DACH2: variants seen among roughly 807,000 people sequenced by gnomAD.
DACH2 encodes dachshund family transcription factor 2.
Under a neutral mutation model 35.8 loss-of-function variants are expected in DACH2, and 17 were observed. That is an observed-to-expected ratio of 0.48 (90% CI 0.33 to 0.71). The LOEUF (loss-of-function observed/expected upper bound fraction) is 0.71. Ranked by LOEUF, DACH2 falls within the 30% of genes least tolerant of loss-of-function variation. The pLI, the probability that DACH2 is intolerant of heterozygous loss-of-function variation, is 0.02. For synonymous variants in DACH2, 195 were observed against 177.3 expected, an observed-to-expected ratio of 1.10 and a Z score of -0.79; for missense variants, 469 against 472.7, an observed-to-expected ratio of 0.99 and a Z score of 0.07.
At chrX:86,412,024 T>A (rs73631933) in intron 2 of DACH2, among the ~76,000 whole-genome samples, 1,272 of 111,693 alleles carry the variant, frequency 0.011, 18 homozygotes, top group African/African-American at 0.039. Context: ...TGCATACTCT[T>A]CCTTACCTCC....
chrX:86,264,437 C>G (rs1569321181), intron 1 of DACH2, among the ~76,000 whole-genome samples: 1 of 111,907 alleles, frequency 8.9e-6, no homozygotes, highest in Non-Finnish European at 1.9e-5. Context: ...GCTAAGCCAG[C>G]TCAATTACCA....
Position 86,714,641 on chromosome X carries a change from A to G in DACH2, c.1025A>G (p.His342Arg), listed in dbSNP as rs1050414463. 3.3e-6 allele frequency: 4 copies of G among 1,208,631 alleles called. No homozygotes were observed. In the Admixed American group the frequency reaches 6.5e-5, roughly 20 times the overall value. Residue 342 changes from histidine (H) to arginine (R), a missense_variant, in exon 6 of 12, where the codon CAT (histidine) becomes CGT (arginine). Transcript: ENST00000373125. ...SVAMAMNQMN[H>R]LNTIANMAAA... ...GCCATGGCAATGAATCAGATGAACC[A>G]TCTCAATACTATTGCCAACATGGCT...
intron 3 of DACH2, among the ~76,000 whole-genome samples, chrX:86,545,284 A>G (rs1456649950): frequency 8.9e-6 from 1 of 111,960 alleles, no homozygotes. Flanking sequence ...CATTACCTTA[A>G]GCAAACTAAC....
At chrX:86,782,115 C>T (rs891527260) in intron 7 of DACH2, among the ~76,000 whole-genome samples, 1 of 111,373 alleles carries the variant, frequency 9.0e-6, no homozygotes, top group Admixed American at 9.6e-5. Context: ...AAATTCAATG[C>T]CTAGTAATTA....
At chrX:86,587,951 T>C (rs2039595836) in intron 3 of DACH2, among the ~76,000 whole-genome samples, 1 of 111,868 alleles carries the variant, frequency 8.9e-6, no homozygotes, top group African/African-American at 3.2e-5. Context: ...CCAATGGTGA[T>C]ATGCAGAATG....
chrX:86,314,566 A>T, intron 1 of DACH2, among the ~76,000 whole-genome samples: 1 of 111,439 alleles, frequency 9.0e-6, no homozygotes, highest in East Asian at 2.8e-4. Context: ...CTTGTGGAAA[A>T]CCTCTAAGAT....
chrX:86,827,047 T>C (rs2042568843), intron 11 of DACH2, among the ~76,000 whole-genome samples: 1 of 112,309 alleles, frequency 8.9e-6, no homozygotes, highest in African/African-American at 3.2e-5. Context: ...GTCCCATTGT[T>C]TATAGAGGTA....
At chrX:86,477,803 C>A (rs764842643) in intron 2 of DACH2, among the ~76,000 whole-genome samples, 37 of 110,741 alleles carry the variant, frequency 3.3e-4, no homozygotes, top group Non-Finnish European at 5.9e-4. Flanking sequence ...TGATTAATTT[C>A]TTTCTCTTTA....
chrX:86,450,811 C>G (rs1469646704), intron 2 of DACH2, among the ~76,000 whole-genome samples: 1 of 110,244 alleles, frequency 9.1e-6, no homozygotes, highest in Non-Finnish European at 1.9e-5. Flanking sequence ...TTGCATTTCT[C>G]TATTGATCAG....
At chrX:86,717,292 A>G (rs1412183472) in intron 6 of DACH2, among the ~76,000 whole-genome samples, 4 of 110,680 alleles carry the variant, frequency 3.6e-5, no homozygotes, top group Non-Finnish European at 7.6e-5. Context: ...CTGTGTACAC[A>G]TTATTTAGTT....
intron 1 of DACH2, among the ~76,000 whole-genome samples, chrX:86,222,488 G>A (rs1025477741): frequency 1.8e-5 from 2 of 112,026 alleles, no homozygotes; most frequent in Non-Finnish European, 1.9e-5. Context: ...GTAGTAGCAA[G>A]TAGATTCCTT....
intron 1 of DACH2, among the ~76,000 whole-genome samples, chrX:86,328,418 G>A (rs1422640031): frequency 9.0e-6 from 1 of 111,440 alleles, no homozygotes; most frequent in African/African-American, 3.3e-5. Flanking sequence ...GTAAAATAAG[G>A]AAAAGTACTC....
At chrX:86,294,996 A>G (rs1453875679) in intron 1 of DACH2, among the ~76,000 whole-genome samples, 1 of 112,528 alleles carries the variant, frequency 8.9e-6, no homozygotes, top group Admixed American at 9.3e-5. Flanking sequence ...AAGCCTGGGC[A>G]ATGGCGGGCG....
intron 2 of DACH2, among the ~76,000 whole-genome samples, chrX:86,386,240 G>C (rs1275728264): frequency 1.8e-5 from 2 of 111,368 alleles, no homozygotes; most frequent in African/African-American, 6.5e-5. Context: ...CTCAACTGGG[G>C]TTCACCTGAT....
chrX:86,795,358 C>G, intron 7 of DACH2, among the ~76,000 whole-genome samples: 3 of 108,953 alleles, frequency 2.8e-5, no homozygotes. Context: ...CTCAGCCTCC[C>G]GAGTAACTGG....
intron 3 of DACH2, among the ~76,000 whole-genome samples, chrX:86,602,639 T>A (rs1362698503): frequency 8.9e-6 from 1 of 112,217 alleles, no homozygotes; most frequent in Non-Finnish European, 1.9e-5. Context: ...TTTTGTGCGT[T>A]CCTTCTTTGG....
At chrX:86,294,935 G>C (rs1384494276) in intron 1 of DACH2, among the ~76,000 whole-genome samples, 16 of 111,535 alleles carry the variant, frequency 1.4e-4, no homozygotes, top group Middle Eastern at 4.7e-3. Flanking sequence ...TCCTTGAGCT[G>C]TGGTGGGCTC....
At chrX:86,755,709 T>C (rs2041821501) in intron 7 of DACH2, among the ~76,000 whole-genome samples, 1 of 106,325 alleles carries the variant, frequency 9.4e-6, no homozygotes, top group African/African-American at 3.5e-5. Flanking sequence ...ACCATTCTCC[T>C]GCCTCAGCCT....
At chrX:86,340,892 G>A (rs183648274) in intron 1 of DACH2, among the ~76,000 whole-genome samples, 7 of 111,815 alleles carry the variant, frequency 6.3e-5, no homozygotes, top group East Asian at 2.9e-4. Flanking sequence ...AGGCCCTACC[G>A]GTCTTCAATT....
Sources: gnomAD v4.1 joint callset for allele counts (sites outside exome capture counted in the v4.1 genomes callset) on GRCh38, gnomAD v4.1.1 for gene constraint, MANE v1.5 for transcripts, NCBI Gene and HGNC (gene_info 2026-07-23, HGNC 2026-07-21) for gene names.